The following BCAS1 variants were observed in gnomAD, a reference collection of about 807,000 sequenced individuals.
BCAS1 encodes breast carcinoma-amplified sequence 1.
A neutral mutation model predicts 65.4 loss-of-function variants in BCAS1; 46 were observed. That is an observed-to-expected ratio of 0.70 (90% CI 0.55 to 0.90). The LOEUF (loss-of-function observed/expected upper bound fraction) is 0.90, where lower values mean the gene tolerates loss of function less well. Among genes scored for constraint, BCAS1 ranks in the 40% least tolerant of loss-of-function variants. The probability of loss-of-function intolerance (pLI) is 0.00; values close to 1 mark genes in which losing one functional copy is unlikely to be tolerated. For missense variants in BCAS1, 793 were observed against 771.2 expected, an observed-to-expected ratio of 1.03 and a Z score of -0.33; for synonymous variants, 298 against 293.5, an observed-to-expected ratio of 1.02 and a Z score of -0.16.
rs142913928 is a variant in BCAS1 at position 54,006,218 on chromosome 20, T to C, written c.724-10168A>G. 4.2e-4 allele frequency among the ~76,000 whole-genome samples: 64 copies of C among 152,298 alleles called. No homozygotes were observed. The East Asian group carries it at 0.012, about 29-fold the overall frequency. ...ATATGGAGAGTCAGAGAGAACAATC[T>C]GCAAGGCAAAAAGCCTAGAGCCCTT... On this transcript the variant is annotated intron_variant, in intron 4 of 12. Coordinates refer to ENST00000688948, the MANE Select transcript of BCAS1 (RefSeq NM_001366298.2).
chr20:53,969,936 T>C (rs1296185715), intron 9 of BCAS1, among the ~76,000 whole-genome samples: 3 of 152,154 alleles, frequency 2.0e-5, no homozygotes, highest in South Asian at 4.1e-4. Context: ...ATTACTAACT[T>C]AGACTAATCA....
intron 4 of BCAS1, among the ~76,000 whole-genome samples, chr20:54,004,613 C>T (rs1006701450): frequency 6.6e-6 from 1 of 152,100 alleles, no homozygotes; most frequent in African/African-American, 2.4e-5. Flanking sequence ...AAGGTGTTGC[C>T]CAGGAGCACC....
rs2089227008 is a variant in BCAS1 at position 53,944,003 on chromosome 20, T to C, written c.*919A>G. 1 of 152,150 alleles carries C rather than the reference T, an allele frequency of 6.6e-6. No homozygotes were observed. 9.4% of individuals were successfully genotyped at this position (152,150 alleles called of 1,614,324 possible). On this transcript the variant is annotated 3_prime_UTR_variant, in exon 13 of 13. Transcript: ENST00000688948. Reference sequence around the variant, plus strand: ...AAGTTGTAATCTTTGCCGTTGTCACTGAGCCTCAAAAGCAATTGTTTTCCC... The same window carrying C: ...AAGTTGTAATCTTTGCCGTTGTCACCGAGCCTCAAAAGCAATTGTTTTCCC...
chr20:54,028,445 C>T lies in BCAS1; in HGVS notation c.670G>A (p.Val224Met). 6.2e-7 allele frequency: 1 copy of T among 1,614,216 alleles called. No individual in the cohort carries two copies. The highest frequency in any genetic ancestry group is 8.5e-7 in the Non-Finnish European group (1 of 1,180,030). ...EAKRAEHQDK[V>M]DEVPGLSGQS... Reference sequence around the variant, plus strand: ...CCTGATAAGCCAGGAACCTCATCCACCTTGTCTTGATGCTCTGCCCTCTTG... The same window carrying T: ...CCTGATAAGCCAGGAACCTCATCCATCTTGTCTTGATGCTCTGCCCTCTTG... The change falls in exon 4 of 13, where the codon GTG becomes ATG. Residue 224 changes from valine (V) to methionine (M), a missense_variant. Val to Met is a conservative substitution (Grantham distance 21). Transcript: ENST00000688948.
intron 3 of BCAS1, among the ~76,000 whole-genome samples, chr20:54,044,995 G>A (rs568867765): frequency 4.6e-4 from 70 of 152,134 alleles, no homozygotes; most frequent in Admixed American, 6.5e-4. Context: ...ACAGTCACTT[G>A]AGCCCAGGAG....
chr20:53,945,182 T>A (rs2089271953), intron 12 of BCAS1, among the ~76,000 whole-genome samples, 186 bp from the exon 13 acceptor site: 3 of 152,226 alleles, frequency 2.0e-5, no homozygotes, highest in African/African-American at 7.2e-5. Context: ...GTTACATGAC[T>A]TTCTAGCTTT....
chr20:54,041,589 A>G (rs2091992439), intron 3 of BCAS1, among the ~76,000 whole-genome samples: 1 of 152,172 alleles, frequency 6.6e-6, no homozygotes, highest in African/African-American at 2.4e-5. Flanking sequence ...CGTATAAAAA[A>G]AGAGCAGCTG....
rs996306884 is a variant in BCAS1, at chr20:53,949,452, T to C, written c.1815+3980A>G. On this transcript the variant is annotated intron_variant, in intron 12 of 12. Transcript: ENST00000688948. Reference sequence around the variant, plus strand: ...GGACGTCACTGTGAGACAAAGATCATGCAGGGATCGGCCTGCGGTGTGTCT... The same window carrying C: ...GGACGTCACTGTGAGACAAAGATCACGCAGGGATCGGCCTGCGGTGTGTCT... Among the ~76,000 whole-genome samples, 7 of 152,192 alleles carry C rather than the reference T, an allele frequency of 4.6e-5. No homozygotes were observed. The South Asian group carries it at 1.2e-3, about 27-fold the overall frequency.
intron 10 of BCAS1, among the ~76,000 whole-genome samples, chr20:53,963,252 C>A (rs953383833): frequency 6.6e-6 from 1 of 151,618 alleles, no homozygotes; most frequent in Non-Finnish European, 1.5e-5. Context: ...GAGTCCGAGG[C>A]GGGTGGATCA....
At chr20:54,021,964 T>C (rs1254096539) in intron 4 of BCAS1, among the ~76,000 whole-genome samples, 1 of 152,106 alleles carries the variant, frequency 6.6e-6, no homozygotes, top group Non-Finnish European at 1.5e-5. Context: ...AGACACAAAG[T>C]GAACACAGGC....
In BCAS1 at chr20:53,985,581, A is replaced by G. The variant is rs2090596811; in HGVS notation, c.1063-82T>C. 46 of 1,284,128 alleles carry G rather than the reference A, an allele frequency of 3.6e-5. No individual in the cohort carries two copies. In the South Asian group the frequency reaches 5.8e-4, roughly 16 times the overall value. The allele number at this position is 1,284,128 out of a possible 1,614,324, so 79.5% of individuals were successfully genotyped here. A position where few individuals can be genotyped will look rare whatever the true frequency, so the allele number is the denominator to read the frequency against. On this transcript the variant is annotated intron_variant, in intron 7 of 12. Coordinates refer to ENST00000688948, the MANE Select transcript of BCAS1 (RefSeq NM_001366298.2). ...AATGGAAGATCTCTTTTTAATAAAC[A>G]TGGGCTGAGGTTATACATAATGTTA...
intron 4 of BCAS1, among the ~76,000 whole-genome samples, chr20:54,021,534 G>A (rs191139642): frequency 8.0e-4 from 121 of 151,642 alleles, no homozygotes; most frequent in Admixed American, 7.2e-3. Flanking sequence ...GTGCTGCAAT[G>A]GAATACTATG....
chr20:53,988,498 G>A (rs182344654), intron 7 of BCAS1, among the ~76,000 whole-genome samples: 1 of 152,264 alleles, frequency 6.6e-6, no homozygotes, highest in African/African-American at 2.4e-5. Flanking sequence ...TATGACGAAC[G>A]ATTATTTTTT....
rs190200383 is a variant in BCAS1, at chr20:53,986,612, A to G, written c.1063-1113T>C. Among the ~76,000 whole-genome samples, 50 of 152,300 alleles carry G rather than the reference A, an allele frequency of 3.3e-4. 1 individual carries two copies. The highest frequency in any genetic ancestry group is 1.1e-3 in the African/African-American group (47 of 41,568). ...AAATATATTGCAATAAAAATGGGGT[A>G]TGGGCCGGGTGTGGTGGCCCAACAC... is the stretch of plus-strand genomic sequence containing the variant. On this transcript the variant is annotated intron_variant, in intron 7 of 12. Coordinates refer to ENST00000688948, the MANE Select transcript of BCAS1 (RefSeq NM_001366298.2).
chr20:54,053,553 T>C (rs934375001), intron 3 of BCAS1, among the ~76,000 whole-genome samples: 1 of 152,216 alleles, frequency 6.6e-6, no homozygotes, highest in East Asian at 1.9e-4. Flanking sequence ...TAGGCAGAAA[T>C]AATACAGTTA....
Position 53,944,601 on chromosome 20 carries a change from GC to G in BCAS1, c.*320del, listed in dbSNP as rs2089248812. ...TGAGATTACAGGCGAGAGCCACCAC[GC>G]CCGGCCACCACTGCCATTTTCATCA... On this transcript the variant is annotated 3_prime_UTR_variant, in exon 13 of 13. Transcript: ENST00000688948. 3.7e-6 allele frequency: 1 copy of G among 271,796 alleles called. No individual in the cohort carries two copies. Among genetic ancestry groups the G allele is most frequent in the Admixed American group, 4.5e-5 (1 of 22,354 alleles). The allele number at this position is 271,796 out of a possible 1,614,324, so 16.8% of individuals were successfully genotyped here.
At chr20:54,031,454 C>A (rs1568899519) in intron 3 of BCAS1, among the ~76,000 whole-genome samples, 2 of 151,264 alleles carry the variant, frequency 1.3e-5, no homozygotes, top group Non-Finnish European at 3.0e-5. Flanking sequence ...TGGGTACATA[C>A]CCAAGTCCAT....
intron 4 of BCAS1, among the ~76,000 whole-genome samples, chr20:54,019,000 A>C (rs932581905): frequency 2.6e-5 from 4 of 152,212 alleles, no homozygotes; most frequent in African/African-American, 9.6e-5. Flanking sequence ...TATTGCTTTA[A>C]AATATCATCA....
intron 3 of BCAS1, 127 bp downstream of exon 3, chr20:54,057,958 G>T (rs201912084): frequency 8.2e-6 from 6 of 728,870 alleles, no homozygotes; most frequent in South Asian, 1.7e-5. Context: ...AGGAACAAAC[G>T]CAAGTATTTT....
Sources: gnomAD v4.1 joint callset for allele counts (sites outside exome capture counted in the v4.1 genomes callset) on GRCh38, gnomAD v4.1.1 for gene constraint, MANE v1.5 for transcripts, NCBI Gene and HGNC (gene_info 2026-07-23, HGNC 2026-07-21) for gene names.